The following ABCC8 variants were observed in gnomAD, a reference collection of about 807,000 sequenced individuals.
ABCC8 encodes ATP binding cassette subfamily C member 8.
A neutral mutation model predicts 188.0 loss-of-function variants in ABCC8; 137 were observed. The ratio of observed to expected loss-of-function variants is 0.73; its 90% CI spans 0.63 to 0.84. ABCC8 has a LOEUF of 0.84. ABCC8 is among the 40% of genes least tolerant of loss of function. The pLI is 0.00. For synonymous variants in ABCC8, 797 were observed against 846.5 expected (o/e 0.94, Z 1.01); for missense variants, 1,750 against 2,072.7 (o/e 0.84, Z 3.02).
Position 17,475,017 on chromosome 11 carries a change from A to C in ABCC8, c.159T>G (p.Ser53Arg), listed in dbSNP as rs1285560687. The change falls in exon 2 of 39, where the codon AGT becomes AGG. Residue 53 changes from serine to arginine, a missense_variant. Transcript: ENST00000389817. Reference protein sequence around the residue: ...TFPILFIGWGSQSSKVHIHHS... With the variant: ...TFPILFIGWGRQSSKVHIHHS... Reference sequence around the variant, plus strand: ...GGTGGATGTGCACCTTGGAGCTCTGACTTCCCCATCCTGCAGGGAGAGACA... The same window carrying C: ...GGTGGATGTGCACCTTGGAGCTCTGCCTTCCCCATCCTGCAGGGAGAGACA... 6.2e-7 allele frequency: 1 copy of C among 1,614,106 alleles called. No individual in the cohort carries two copies. Among genetic ancestry groups the C allele is most frequent in the Non-Finnish European group, 8.5e-7 (1 of 1,180,000 alleles).
chr11:17,440,109 C>G (rs1956255490), intron 10 of ABCC8, among the ~76,000 whole-genome samples: 1 of 152,200 alleles, frequency 6.6e-6, no homozygotes, highest in South Asian at 2.1e-4. Context: ...GAGGCTGCCC[C>G]AACTTCACTG....
chr11:17,396,433 G>A (rs771057171), intron 33 of ABCC8: 1 of 295,696 alleles, frequency 3.4e-6, no homozygotes, highest in Non-Finnish European at 6.5e-6. Flanking sequence ...TACATCCCAA[G>A]GTCAGAGAAT....
chr11:17,440,829 C>T (rs539299288), intron 10 of ABCC8, among the ~76,000 whole-genome samples: 1 of 152,348 alleles, frequency 6.6e-6, no homozygotes, highest in South Asian at 2.1e-4. Context: ...GATATTTCCC[C>T]AGTCCCCTAG....
At chr11:17,461,984 A>G in intron 4 of ABCC8, 159 bp from the exon 5 acceptor site, 1 of 870,174 alleles carries the variant, frequency 1.1e-6, no homozygotes, top group Non-Finnish European at 1.4e-6. Flanking sequence ...GGATTCCCCA[A>G]CACTTCTTGG....
rs140414060 is a variant in ABCC8, at chr11:17,397,717, G to A, written c.3834C>T (p.Gly1278=). The A allele has an allele frequency of 1.5e-5, 24 of 1,613,500 alleles. No individual in the cohort carries two copies. The African/African-American group carries it at 1.7e-4, about 12-fold the overall frequency. The change falls in exon 31 of 39, where the codon GGC becomes GGT. Residue 1278 remains glycine, a synonymous_variant. Transcript: ENST00000389817. ...CGTAGGTAAGGCCCAGGCCCACCAG[G>A]CCAGCAGAGAGCTCCCTGTGCAGGG... ...SNSLHRELSA[G]LVGLGLTYAL... is the part of the protein sequence containing the mutation.
At chr11:17,434,444 C>T (rs1048824126) in intron 10 of ABCC8, among the ~76,000 whole-genome samples, 17 of 152,182 alleles carry the variant, frequency 1.1e-4, no homozygotes, top group African/African-American at 2.2e-4. Context: ...TCAAGAGCAG[C>T]GCAAAGCCAT....
At chr11:17,462,497 G>A (rs946346139) in intron 4 of ABCC8, among the ~76,000 whole-genome samples, 2 of 152,186 alleles carry the variant, frequency 1.3e-5, no homozygotes, top group Admixed American at 1.3e-4. Flanking sequence ...ATGTAACACT[G>A]ATCAAAATTT....
intron 22 of ABCC8, among the ~76,000 whole-genome samples, chr11:17,409,842 C>T (rs1050775459): frequency 2.0e-5 from 3 of 152,180 alleles, no homozygotes; most frequent in Admixed American, 6.5e-5. Context: ...GGTTTCACAA[C>T]ATTGGACTCT....
intron 3 of ABCC8, among the ~76,000 whole-genome samples, chr11:17,468,755 T>C (rs1273257944): frequency 6.6e-6 from 1 of 152,142 alleles, no homozygotes; most frequent in East Asian, 1.9e-4. Flanking sequence ...GGGTCCACAC[T>C]GGAAAATGGG....
chr11:17,430,539 C>A, intron 12 of ABCC8: 2 of 492,516 alleles, frequency 4.1e-6, no homozygotes, highest in South Asian at 2.1e-5. Context: ...ACATTTGGCT[C>A]AACACTGGTT....
intron 10 of ABCC8, among the ~76,000 whole-genome samples, chr11:17,435,505 C>T (rs777101516): frequency 5.3e-5 from 8 of 152,228 alleles, no homozygotes; most frequent in Non-Finnish European, 8.8e-5. Flanking sequence ...GACCCTTTTC[C>T]ACTCTTATGG....
At chr11:17,476,533 G>A (rs1848785894) in intron 1 of ABCC8, 96 bp downstream of exon 1, 3 of 1,477,964 alleles carry the variant, frequency 2.0e-6, no homozygotes, top group Non-Finnish European at 1.8e-6. Context: ...GGCGGTCGCG[G>A]GCCGGAAGGG....
At chr11:17,435,614 C>T in intron 10 of ABCC8, 1 of 1,397,880 alleles carries the variant, frequency 7.2e-7, no homozygotes, top group East Asian at 2.3e-5. Flanking sequence ...AAGTGAGAAA[C>T]AGAAAGATGG....
intron 5 of ABCC8, chr11:17,461,001 G>A (rs1035434545): frequency 4.8e-5 from 20 of 420,312 alleles, no homozygotes; most frequent in African/African-American, 1.0e-4. Context: ...ACCTGCCACC[G>A]TGTCTGCCTC....
chr11:17,409,868 G>GTTTA (rs1331342088), intron 22 of ABCC8, among the ~76,000 whole-genome samples: 1 of 152,120 alleles, frequency 6.6e-6, no homozygotes, highest in Admixed American at 6.5e-5. Context: ...TAATATTGAA[G>GTTTA]TTTCTTTCTT....
At chr11:17,395,142 C>T (rs564543196) in intron 36 of ABCC8, 30 bp downstream of exon 36, 1 of 1,554,550 alleles carries the variant, frequency 6.4e-7, no homozygotes, top group Admixed American at 1.9e-5. Context: ...AGTGCCCAAC[C>T]AACCCAGCTG....
chr11:17,462,836 G>A (rs1044441968), intron 4 of ABCC8, among the ~76,000 whole-genome samples: 1 of 152,186 alleles, frequency 6.6e-6, no homozygotes, highest in Non-Finnish European at 1.5e-5. Context: ...GATAAATACC[G>A]TGGGGGAAAC....
intron 10 of ABCC8, among the ~76,000 whole-genome samples, chr11:17,437,229 T>G (rs879466367): frequency 1.3e-5 from 2 of 151,916 alleles, no homozygotes; most frequent in Non-Finnish European, 2.9e-5. Flanking sequence ...CCTCAACCCT[T>G]GCCCCATACA....
At chr11:17,462,421 G>A (rs567270574) in intron 4 of ABCC8, among the ~76,000 whole-genome samples, 59 of 152,206 alleles carry the variant, frequency 3.9e-4, no homozygotes, top group Non-Finnish European at 7.6e-4. Flanking sequence ...CTCACTGCTG[G>A]TTGGAAGGCA....
Sources: gnomAD v4.1 joint callset for allele counts (sites outside exome capture counted in the v4.1 genomes callset) on GRCh38, gnomAD v4.1.1 for gene constraint, MANE v1.5 for transcripts, NCBI Gene and HGNC (gene_info 2026-07-23, HGNC 2026-07-21) for gene names.